Variants in PARS2 observed in about 807,000 individuals in gnomAD.
PARS2 encodes the protein prolyl-tRNA synthetase 2, mitochondrial.
In PARS2, 20 loss-of-function variants were observed where a neutral mutation model predicts 27.4. The ratio of observed to expected loss-of-function variants is 0.73; its 90% CI spans 0.51 to 1.06. The LOEUF (loss-of-function observed/expected upper bound fraction) is 1.06, where lower values mean the gene tolerates loss of function less well. Among genes scored for constraint, PARS2 ranks in the 50% least tolerant of loss-of-function variants. The probability of loss-of-function intolerance (pLI) is 0.00; values close to 1 mark genes in which losing one functional copy is unlikely to be tolerated. For missense variants in PARS2, 585 were observed against 602.1 expected, an observed-to-expected ratio of 0.97 and a Z score of 0.30; for synonymous variants, 240 against 247.1, an observed-to-expected ratio of 0.97 and a Z score of 0.27.
rs1291817118 is a variant in PARS2 at position 54,757,653 on chromosome 1, TC to T, written c.*80del. On this transcript the variant is annotated 3_prime_UTR_variant, in exon 2 of 2. Coordinates refer to ENST00000371279, the MANE Select transcript of PARS2 (RefSeq NM_152268.4). ...GCTGTGCTGTTTCTGGAGAGAGCAG[TC>T]CAGGAAAGGGGTGTAGGAAAATGCA... 9 of 889,938 alleles carry T rather than the reference TC, an allele frequency of 1.0e-5. No homozygotes were observed. The highest frequency in any genetic ancestry group is 4.8e-5 in the Admixed American group (2 of 41,702). 55.1% of individuals were successfully genotyped at this position (889,938 alleles called of 1,614,324 possible).
chr1:54,760,481 T>C (rs919906705), intron 1 of PARS2, among the ~76,000 whole-genome samples: 1 of 152,194 alleles, frequency 6.6e-6, no homozygotes, highest in African/African-American at 2.4e-5. Context: ...CTCTTCTCTC[T>C]ACAGCCTCCG....
At position 54,758,348 on chromosome 1, in the gene PARS2, T is replaced by C. The variant is rs867129256; in HGVS notation, c.814A>G (p.Ile272Val). Reference protein sequence around the residue: ...PVDIGEDRLAICPRCSFSANM... With the variant: ...PVDIGEDRLAVCPRCSFSANM... ...GCTGAGAAGCTGCAGCGGGGACAGA[T>C]GGCAAGCCGGTCCTCTCCAATATCC... Residue 272 changes from isoleucine (I) to valine (V), a missense_variant, in exon 2 of 2, where the codon ATC (isoleucine) becomes GTC (valine). Coordinates refer to ENST00000371279, the MANE Select transcript of PARS2 (RefSeq NM_152268.4). The C allele has an allele frequency of 1.2e-6, 2 of 1,614,172 alleles. No homozygotes were observed. The highest frequency in any genetic ancestry group is 1.3e-5 in the African/African-American group (1 of 75,038).
At chr1:54,761,681 G>A (rs1180951) in intron 1 of PARS2, among the ~76,000 whole-genome samples, 91,769 of 151,976 alleles carry the variant, frequency 0.6, 28,248 homozygotes, top group East Asian at 0.96. Context: ...GGTATGGGTT[G>A]CTGATTCCCC....
At position 54,761,910 on chromosome 1, in the gene PARS2, A is replaced by C. The variant is rs1646159275; in HGVS notation, c.-30+2551T>G. Among the ~76,000 whole-genome samples the C allele has an allele frequency of 2.0e-5, 3 of 152,298 alleles. No individual in the cohort carries two copies. In the South Asian group the frequency reaches 6.2e-4, roughly 32 times the overall value. The stretch of plus-strand genomic sequence containing the variant: ...ATGTGGATTCACCCCTGGCTCTATA[A>C]CTTCCTTGTGATCCAACCTTACTTA... On this transcript the variant is annotated intron_variant, in intron 1 of 1. Coordinates refer to ENST00000371279, the MANE Select transcript of PARS2 (RefSeq NM_152268.4).
rs370717720 is a variant in PARS2, at chr1:54,758,054, A to G, written c.1108T>C (p.Tyr370His). ...TTAGGGGGGATGAGGCAGGCTTGGT[A>G]AGGGGCCAGTAGGCTGGGCCAGCGG... ...CVRWPSLLAP[Y>H]QACLIPPKKG... Residue 370 changes from tyrosine to histidine, a missense_variant, in exon 2 of 2, where the codon TAC becomes CAC. By Grantham distance (83) the Tyr-to-His change is moderately conservative. Coordinates refer to ENST00000371279, the MANE Select transcript of PARS2 (RefSeq NM_152268.4). 4 of 1,613,852 alleles carry G rather than the reference A, an allele frequency of 2.5e-6. No homozygotes were observed. In the African/African-American group the frequency reaches 4.0e-5, roughly 16 times the overall value.
intron 1 of PARS2, among the ~76,000 whole-genome samples, chr1:54,762,404 T>G (rs1198198664): frequency 6.6e-6 from 1 of 152,088 alleles, no homozygotes; most frequent in African/African-American, 2.4e-5. Context: ...CCTCCCAAAG[T>G]GCTGGGATTA....
intron 1 of PARS2, among the ~76,000 whole-genome samples, chr1:54,762,671 A>G (rs1395818806): frequency 6.6e-6 from 1 of 152,236 alleles, no homozygotes; most frequent in Non-Finnish European, 1.5e-5. Context: ...TCCAAGTTTT[A>G]TCTGCAGCAT....
rs751434647 is a variant in PARS2 at position 54,758,078 on chromosome 1, G to A, written c.1084C>T (p.Arg362Cys). ...TAAGGGGCCAGTAGGCTGGGCCAGCGGACACAGTCTTCTGTAGAGAGGACT... is the reference window on the plus strand; with the variant it reads ...TAAGGGGCCAGTAGGCTGGGCCAGCAGACACAGTCTTCTGTAGAGAGGACT... The part of the protein sequence containing the change: ...IEVLSTEDCV[R>C]WPSLLAPYQA... Residue 362 changes from arginine (R) to cysteine (C), a missense_variant, in exon 2 of 2, where the codon CGC becomes TGC. By Grantham distance (180) the Arg-to-Cys change is radical (BLOSUM62 -3). Coordinates refer to ENST00000371279, the MANE Select transcript of PARS2 (RefSeq NM_152268.4). 12 of 1,613,732 alleles carry A rather than the reference G, an allele frequency of 7.4e-6. No homozygotes were observed. Among genetic ancestry groups the A allele is most frequent in the African/African-American group, 2.7e-5 (2 of 74,896 alleles).
chr1:54,762,696 G>C (rs993089996), intron 1 of PARS2, among the ~76,000 whole-genome samples: 8 of 152,062 alleles, frequency 5.3e-5, no homozygotes, highest in African/African-American at 1.9e-4. Flanking sequence ...CACAGTGCCT[G>C]GACACAGTGG....
chr1:54,761,919 T>G (rs1646159341), intron 1 of PARS2, among the ~76,000 whole-genome samples: 1 of 152,250 alleles, frequency 6.6e-6, no homozygotes, highest in Non-Finnish European at 1.5e-5. Flanking sequence ...AACTTCCTTG[T>G]GATCCAACCT....
chr1:54,761,507 G>A (rs1388583091), intron 1 of PARS2, among the ~76,000 whole-genome samples: 2 of 152,228 alleles, frequency 1.3e-5, no homozygotes, highest in Non-Finnish European at 2.9e-5. Context: ...CTACAATGAA[G>A]AGAAGGCTTT....
At position 54,757,751 on chromosome 1, in the gene PARS2, G is replaced by A. The variant is rs747172569; in HGVS notation, c.1411C>T (p.Pro471Ser). 6.2e-7 allele frequency: 1 copy of A among 1,610,762 alleles called. No individual in the cohort carries two copies. Among genetic ancestry groups the A allele is most frequent in the East Asian group, 2.2e-5 (1 of 44,856 alleles). Residue 471 changes from proline to serine, a missense_variant, in exon 2 of 2, where the codon CCA becomes TCA. Transcript: ENST00000371279. ...TKDGVMDLLT[P>S]VQTV ...GGGGGCATTTAGACAGTCTGCACTG[G>A]GGTCAGTAAATCCATGACTCCATCT...
intron 1 of PARS2, among the ~76,000 whole-genome samples, chr1:54,763,024 G>A (rs1165720354): frequency 6.6e-6 from 1 of 152,138 alleles, no homozygotes; most frequent in Non-Finnish European, 1.5e-5. Context: ...TGGCACCAAA[G>A]CTCTTCACAT....
chr1:54,763,303 G>A (rs146477564), intron 1 of PARS2, among the ~76,000 whole-genome samples: 10 of 152,288 alleles, frequency 6.6e-5, no homozygotes, highest in African/African-American at 9.6e-5. Context: ...CATTGGAAGC[G>A]AATGGTGTTT....
At chr1:54,763,769 G>C (rs1262699911) in intron 1 of PARS2, among the ~76,000 whole-genome samples, 2 of 152,156 alleles carry the variant, frequency 1.3e-5, no homozygotes, top group Non-Finnish European at 2.9e-5. Context: ...AGCCCTTCCA[G>C]CCCAGGCCTT....
chr1:54,757,541 G>A lies in PARS2; in HGVS notation c.*193C>T, dbSNP rs1646127160. ...GCGGCATGGCCAGTCTGGAGAAAGG[G>A]ATCAAGTTAATGACTTTAAATACAA... is the stretch of plus-strand genomic sequence containing the variant. On this transcript the variant is annotated 3_prime_UTR_variant, in exon 2 of 2. Coordinates refer to ENST00000371279, the MANE Select transcript of PARS2 (RefSeq NM_152268.4). 17 of 549,288 alleles carry A rather than the reference G, an allele frequency of 3.1e-5. 1 individual carries two copies. The highest frequency in any genetic ancestry group is 7.6e-5 in the South Asian group (3 of 39,352). The allele number at this position is 549,288 out of a possible 1,614,324, so 34.0% of individuals were successfully genotyped here.
In PARS2 at chr1:54,758,032, G is replaced by C; in HGVS notation, c.1130C>G (p.Pro377Arg). ...LAPYQACLIP[P>R]KKGSKEQAAS... ...CGCCTGCTCCTTACTGCCCTTCTTA[G>C]GGGGGATGAGGCAGGCTTGGTAAGG... is the stretch of plus-strand genomic sequence containing the variant. Residue 377 changes from proline (P) to arginine (R), a missense_variant, in exon 2 of 2, where the codon CCT becomes CGT. Coordinates refer to ENST00000371279, the MANE Select transcript of PARS2 (RefSeq NM_152268.4). The C allele has an allele frequency of 6.2e-7, 1 of 1,614,056 alleles. No individual in the cohort carries two copies. Among genetic ancestry groups the C allele is most frequent in the Non-Finnish European group, 8.5e-7 (1 of 1,179,968 alleles).
Position 54,758,977 on chromosome 1 carries a change from T to C in PARS2, c.185A>G (p.Lys62Arg), listed in dbSNP as rs866562332. ...REDRVLSLQD[K>R]SDDLTCKSQR... ...GCTCTTACAGGTCAGGTCATCAGAT[T>C]TGTCCTGCAGGGAGAGCACCCGGTC... The change falls in exon 2 of 2, where the codon AAA becomes AGA. Residue 62 changes from lysine (K) to arginine (R), a missense_variant. Coordinates refer to ENST00000371279, the MANE Select transcript of PARS2 (RefSeq NM_152268.4). 4 of 1,614,020 alleles carry C rather than the reference T, an allele frequency of 2.5e-6. No homozygotes were observed. The highest frequency in any genetic ancestry group is 2.2e-5 in the East Asian group (1 of 44,896).
In PARS2 at chr1:54,764,498, G is replaced by T. The variant is rs1570094028; in HGVS notation, c.-67C>A. ...CCACGCCTCCCGCAAGACCACCGCC[G>T]TGCCGGGCCAGCGCGCTTGCGCCTC... On this transcript the variant is annotated 5_prime_UTR_variant, in exon 1 of 2. Coordinates refer to ENST00000371279, the MANE Select transcript of PARS2 (RefSeq NM_152268.4). 1 of 152,248 alleles carries T rather than the reference G, an allele frequency of 6.6e-6. No homozygotes were observed. Among genetic ancestry groups the T allele is most frequent in the Non-Finnish European group, 1.5e-5 (1 of 68,064 alleles). The allele number at this position is 152,248 out of a possible 1,614,324, so 9.4% of individuals were successfully genotyped here.
Sources: gnomAD v4.1 joint callset for allele counts (sites outside exome capture counted in the v4.1 genomes callset) on GRCh38, gnomAD v4.1.1 for gene constraint, MANE v1.5 for transcripts, NCBI Gene and HGNC (gene_info 2026-07-23, HGNC 2026-07-21) for gene names.